Variants in CCR7 observed in about 807,000 individuals in gnomAD.
The protein encoded by CCR7 is C-C chemokine receptor type 7.
A neutral mutation model predicts 26.0 loss-of-function variants in CCR7; 11 were observed. That is an observed-to-expected ratio of 0.42 (90% CI 0.27 to 0.70). The LOEUF (loss-of-function observed/expected upper bound fraction) is 0.70, where lower values mean the gene tolerates loss of function less well. CCR7 is among the 30% of genes least tolerant of loss of function. The pLI is 0.23. For synonymous variants in CCR7, 189 were observed against 202.1 expected (o/e 0.94, Z 0.55); for missense variants, 360 against 504.0 (o/e 0.71, Z 2.74).
At chr17:40,558,768 A>T in intron 2 of CCR7, 125 bp downstream of exon 2, 1 of 785,108 alleles carries the variant, frequency 1.3e-6, no homozygotes, top group Non-Finnish European at 2.2e-6. Context: ...TAGCTTAATG[A>T]GTGGCAGGCG....
At position 40,554,955 on chromosome 17, in the gene CCR7, G is replaced by A. The variant is rs116263918; in HGVS notation, c.924C>T (p.Tyr308=). Residue 308 remains tyrosine (Y), a synonymous_variant, in exon 3 of 3, where the codon TAC becomes TAT. Coordinates refer to ENST00000246657, the MANE Select transcript of CCR7 (RefSeq NM_001838.4). ...CELSKQLNIA[Y]DVTYSLACVR... The stretch of plus-strand genomic sequence containing the variant: ...CGCAGGCCAGGCTGTAGGTGACGTC[G>A]TAGGCGATGTTGAGTTGCTTACTGA... 4.6e-4 allele frequency: 737 copies of A among 1,614,206 alleles called. 6 individuals are homozygous for A. The African/African-American group carries it at 6.6e-3, about 14-fold the overall frequency.
At chr17:40,565,359 A>T (rs2036698356) in intron 1 of CCR7, 41 bp downstream of exon 1, 5 of 1,588,106 alleles carry the variant, frequency 3.1e-6, no homozygotes, top group Non-Finnish European at 4.3e-6. Context: ...GGTGTCCAAG[A>T]CCCTGGTACT....
At chr17:40,560,794 C>T (rs2143916565) in intron 1 of CCR7, 1 of 152,346 alleles carries the variant, frequency 6.6e-6, no homozygotes, top group Admixed American at 6.5e-5. Context: ...GCTGCATTTT[C>T]TATTCTGGGG....
chr17:40,558,728 TCA>T lies in CCR7; in HGVS notation c.60+163_60+164del, dbSNP rs565622125. 3.8e-3 allele frequency among the ~76,000 whole-genome samples: 571 copies of T among 152,242 alleles called. 14 individuals carry two copies. The South Asian group carries it at 0.075, about 20-fold the overall frequency. ...AGAGAACATCTGTGGCTCTCCAGGG[TCA>T]CTCAGCAGATGGTGAGGGGGCAGCC... On this transcript the variant is annotated intron_variant, in intron 2 of 2. Coordinates refer to ENST00000246657, the MANE Select transcript of CCR7 (RefSeq NM_001838.4).
intron 2 of CCR7, among the ~76,000 whole-genome samples, chr17:40,556,362 TGAATCAGTAGGCTAAGGTGGGGCCTGA>T (rs2036587502): frequency 6.6e-6 from 1 of 152,222 alleles, no homozygotes; most frequent in East Asian, 1.9e-4. Flanking sequence ...ATGTCTATCC[TGAATCAGTAGGCTAAGGTGGGGCCTGA>T]GATTCTACAG....
chr17:40,562,540 G>C (rs980270164), intron 1 of CCR7, among the ~76,000 whole-genome samples: 1 of 152,158 alleles, frequency 6.6e-6, no homozygotes, highest in African/African-American at 2.4e-5. Flanking sequence ...CCTCTTTGCT[G>C]CCACAGAACT....
chr17:40,564,114 T>G, intron 1 of CCR7, among the ~76,000 whole-genome samples: 1 of 148,972 alleles, frequency 6.7e-6, no homozygotes. Context: ...GTGGAGGGGG[T>G]GCAGGGGAGT....
intron 1 of CCR7, among the ~76,000 whole-genome samples, chr17:40,564,744 G>A (rs1318969532): frequency 6.6e-6 from 1 of 152,202 alleles, no homozygotes; most frequent in Non-Finnish European, 1.5e-5. Flanking sequence ...CAAGCTGAGT[G>A]CCCCTTGCCA....
Position 40,554,850 on chromosome 17 carries a change from G to T in CCR7, c.1029C>A (p.Asp343Glu). The T allele has an allele frequency of 6.2e-7, 1 of 1,614,216 alleles. No individual in the cohort carries two copies. The highest frequency in any genetic ancestry group is 8.5e-7 in the Non-Finnish European group (1 of 1,180,044). The change falls in exon 3 of 3, where the codon GAC (aspartate) becomes GAA (glutamate). Residue 343 changes from aspartate (D) to glutamate (E), a missense_variant. Asp to Glu is a conservative substitution (Grantham distance 45, BLOSUM62 2). Coordinates refer to ENST00000246657, the MANE Select transcript of CCR7 (RefSeq NM_001838.4). ...FRNDLFKLFK[D>E]LGCLSQEQLR... ...GCTGCTCCTGGCTGAGGCAGCCCAG[G>T]TCCTTGAAGAGCTTGAAGAGATCGT...
rs778319282 is a variant in CCR7 at position 40,555,516 on chromosome 17, G to A, written c.363C>T (p.Ser121=). The change falls in exon 3 of 3, where the codon TCC becomes TCT. Residue 121 remains serine (S), a synonymous_variant. Coordinates refer to ENST00000246657, the MANE Select transcript of CCR7 (RefSeq NM_001838.4). This position sits in a 1 kb window ranked among gnomAD's most constrained non-coding sequence, Gnocchi z 5.6. ...LPFWAYSAAK[S]WVFGVHFCKL... Reference sequence around the variant, plus strand: ...TGCAAAAGTGGACACCGAAGACCCAGGACTTGGCCGCGCTGTAGGCCCAGA... The same window carrying A: ...TGCAAAAGTGGACACCGAAGACCCAAGACTTGGCCGCGCTGTAGGCCCAGA... 6.2e-7 allele frequency: 1 copy of A among 1,614,140 alleles called. No individual in the cohort carries two copies. The highest frequency in any genetic ancestry group is 1.7e-5 in the Admixed American group (1 of 60,034).
In CCR7 at chr17:40,555,128, G is replaced by T; in HGVS notation, c.751C>A (p.Leu251Ile). 1.2e-6 allele frequency: 2 copies of T among 1,614,194 alleles called. No individual in the cohort carries two copies. ...TTGCGCTCAAAGTTGCGTGCCTGGA[G>T]CAGGGTGCGGATGATGACAAGGTAA... Reference protein sequence around the residue: ...FCYLVIIRTLLQARNFERNKA... With the variant: ...FCYLVIIRTLIQARNFERNKA... Residue 251 changes from leucine (L) to isoleucine (I), a missense_variant, in exon 3 of 3, where the codon CTC (leucine) becomes ATC (isoleucine). By Grantham distance (5) the Leu-to-Ile change is conservative. Transcript: ENST00000246657. This position sits in a 1 kb window ranked among gnomAD's most constrained non-coding sequence, Gnocchi z 5.6.
chr17:40,558,850 G>A (rs3136689), intron 2 of CCR7, 43 bp downstream of exon 2: 35,520 of 1,572,256 alleles, frequency 0.023, 826 homozygotes, highest in African/African-American at 0.12. Context: ...TTGGGAGGCC[G>A]TGTGGAGAAG....
intron 1 of CCR7, among the ~76,000 whole-genome samples, chr17:40,560,321 A>G (rs753744162): frequency 1.1e-4 from 17 of 152,234 alleles, no homozygotes; most frequent in Non-Finnish European, 2.4e-4. Context: ...CCACAAGTGA[A>G]GGCAGGCCCT....
At chr17:40,559,338 G>T (rs900404277) in intron 1 of CCR7, among the ~76,000 whole-genome samples, 2 of 152,230 alleles carry the variant, frequency 1.3e-5, no homozygotes, top group Non-Finnish European at 2.9e-5. Flanking sequence ...GGGATGAGGC[G>T]GCAAAGCTAT....
intron 1 of CCR7, among the ~76,000 whole-genome samples, chr17:40,564,055 AGG>A (rs1282350667): frequency 7.0e-6 from 1 of 142,950 alleles, no homozygotes; most frequent in East Asian, 2.3e-4. Context: ...AGGCTGGAGC[AGG>A]GTCTTCTGTG....
chr17:40,555,468 C>T lies in CCR7; in HGVS notation c.411G>A (p.Lys137=). The T allele has an allele frequency of 6.2e-7, 1 of 1,613,960 alleles. No homozygotes were observed. Among genetic ancestry groups the T allele is most frequent in the African/African-American group, 1.3e-5 (1 of 75,028 alleles). The change falls in exon 3 of 3, where the codon AAG becomes AAA. Residue 137 remains lysine (K), a synonymous_variant. Transcript: ENST00000246657. This position sits in a 1 kb window ranked among gnomAD's most constrained non-coding sequence, Gnocchi z 5.6. ...HFCKLIFAIY[K]MSFFSGMLLL... is the part of the protein sequence containing the mutation. ...GGAGCATGCCACTGAAGAAGCTCAT[C>T]TTGTAGATGGCAAAGATGAGCTTGC...
At chr17:40,559,146 C>T (rs1374678127) in intron 1 of CCR7, among the ~76,000 whole-genome samples, 2 of 152,186 alleles carry the variant, frequency 1.3e-5, no homozygotes, top group African/African-American at 4.8e-5. Flanking sequence ...TCCTTCTTGT[C>T]CTCCTCCACT....
chr17:40,563,965 AC>A lies in CCR7; in HGVS notation c.10+1434del, dbSNP rs528343327. 1.4e-4 allele frequency among the ~76,000 whole-genome samples: 21 copies of A among 151,904 alleles called. No individual in the cohort carries two copies. The South Asian group carries it at 1.5e-3, about 11-fold the overall frequency. The stretch of plus-strand genomic sequence containing the variant: ...CCCTGGAGTCAGCTACCAGTGCTCC[AC>A]CCCGGGGAGCTGCTTTTCAAATGCC... On this transcript the variant is annotated intron_variant, in intron 1 of 2. Transcript: ENST00000246657.
chr17:40,561,806 T>C (rs1219894770), intron 1 of CCR7, among the ~76,000 whole-genome samples: 1 of 152,132 alleles, frequency 6.6e-6, no homozygotes, highest in Non-Finnish European at 1.5e-5. Context: ...TCTTTTTTTT[T>C]GGATAAGGGA....
Sources: gnomAD v4.1 joint callset for allele counts (sites outside exome capture counted in the v4.1 genomes callset) on GRCh38, gnomAD v4.1.1 for gene constraint, Gnocchi (gnomAD v3.1) non-coding constraint, MANE v1.5 for transcripts, NCBI Gene and HGNC (gene_info 2026-07-23, HGNC 2026-07-21) for gene names.